Variants in EPB41L4A observed in about 807,000 individuals in gnomAD.
The protein encoded by EPB41L4A is band 4.1-like protein 4A.
A neutral mutation model predicts 108.6 loss-of-function variants in EPB41L4A; 100 were observed. The ratio of observed to expected loss-of-function variants is 0.92; its 90% CI spans 0.78 to 1.09. The LOEUF is 1.09. Among genes scored for constraint, EPB41L4A ranks in the 50% least tolerant of loss-of-function variants. The probability of loss-of-function intolerance (pLI) is 0.00; values close to 1 mark genes in which losing one functional copy is unlikely to be tolerated. For missense variants in EPB41L4A, 1,030 were observed against 842.7 expected (o/e 1.22, Z -2.75); for synonymous variants, 319 against 289.0 (o/e 1.10, Z -1.05).
intron 7 of EPB41L4A, 126 bp from the exon 8 acceptor site, chr5:112,260,105 T>A: frequency 1.4e-6 from 1 of 706,102 alleles, no homozygotes; most frequent in South Asian, 1.8e-5. Flanking sequence ...GACATCAGCC[T>A]AGAAAGCTAG....
At chr5:112,201,132 T>C (rs1035919960) in intron 15 of EPB41L4A, among the ~76,000 whole-genome samples, 27 of 152,222 alleles carry the variant, frequency 1.8e-4, no homozygotes, top group Non-Finnish European at 3.4e-4. Context: ...AGGGCATTCA[T>C]ACTGGGAAGA....
intron 1 of EPB41L4A, among the ~76,000 whole-genome samples, chr5:112,308,608 T>C (rs1004679424): frequency 1.6e-4 from 25 of 152,238 alleles, no homozygotes; most frequent in African/African-American, 6.0e-4. Flanking sequence ...TTAAATAATT[T>C]ATAAACAAAA....
intron 9 of EPB41L4A, among the ~76,000 whole-genome samples, chr5:112,244,927 G>A (rs963550021): frequency 2.0e-5 from 3 of 151,940 alleles, no homozygotes; most frequent in East Asian, 1.9e-4. Context: ...TCATTATAAC[G>A]TATGTAATAA....
chr5:112,226,238 AAAC>A (rs1384296955), intron 12 of EPB41L4A, among the ~76,000 whole-genome samples: 2 of 152,168 alleles, frequency 1.3e-5, no homozygotes, highest in Non-Finnish European at 2.9e-5. Flanking sequence ...CTGTGATGAC[AAAC>A]AACACAGGAG....
At chr5:112,188,929 C>A (rs1054835336) in intron 17 of EPB41L4A, among the ~76,000 whole-genome samples, 2 of 152,194 alleles carry the variant, frequency 1.3e-5, no homozygotes, top group African/African-American at 4.8e-5. Context: ...TTGCCCTAGT[C>A]AGATATATTG....
intron 12 of EPB41L4A, among the ~76,000 whole-genome samples, chr5:112,153,080 A>G (rs1249703516): frequency 6.6e-6 from 1 of 152,052 alleles, no homozygotes; most frequent in Non-Finnish European, 1.5e-5. Flanking sequence ...TTAGCCTGGC[A>G]TGGTGTTGTG....
At chr5:112,294,292 G>T (rs1193469921) in intron 2 of EPB41L4A, among the ~76,000 whole-genome samples, 3 of 152,186 alleles carry the variant, frequency 2.0e-5, no homozygotes, top group Non-Finnish European at 2.9e-5. Flanking sequence ...GCGTGGGAAG[G>T]GGAGGTGTGG....
At chr5:112,284,684 A>C (rs1472319573) in intron 2 of EPB41L4A, among the ~76,000 whole-genome samples, 1 of 152,160 alleles carries the variant, frequency 6.6e-6, no homozygotes, top group Non-Finnish European at 1.5e-5. Context: ...ACTGTATCCT[A>C]AACACTCCAT....
chr5:112,293,396 A>T (rs1374872101), intron 2 of EPB41L4A, among the ~76,000 whole-genome samples: 1 of 152,114 alleles, frequency 6.6e-6, no homozygotes, highest in Non-Finnish European at 1.5e-5. Context: ...GTTTTGGTGA[A>T]GAAGGCATTG....
At chr5:112,383,802 G>A (rs1760319390) in intron 1 of EPB41L4A, among the ~76,000 whole-genome samples, 2 of 151,796 alleles carry the variant, frequency 1.3e-5, no homozygotes, top group South Asian at 2.1e-4. Flanking sequence ...ACAAACAAAT[G>A]GTAAATGAAA....
chr5:112,294,650 A>G (rs1753877647), intron 2 of EPB41L4A, among the ~76,000 whole-genome samples: 1 of 152,128 alleles, frequency 6.6e-6, no homozygotes, highest in East Asian at 1.9e-4. Flanking sequence ...GGAAGAGAAC[A>G]AGAAGGGTGT....
Position 112,315,320 on chromosome 5 carries a change from T to A in EPB41L4A, c.100-7830A>T, listed in dbSNP as rs566190777. 6.4e-4 allele frequency among the ~76,000 whole-genome samples: 98 copies of A among 152,262 alleles called. 1 individual carries two copies. The highest frequency in any genetic ancestry group is 1.2e-3 in the Non-Finnish European group (85 of 68,048). Reference sequence around the variant, plus strand: ...TTCCTTCTGTTAACTTTCCTACTTATGTTTAGACATTTGGAAAGCATGTGC... The same window carrying A: ...TTCCTTCTGTTAACTTTCCTACTTAAGTTTAGACATTTGGAAAGCATGTGC... On this transcript the variant is annotated intron_variant, in intron 1 of 22. Transcript: ENST00000261486.
intron 17 of EPB41L4A, among the ~76,000 whole-genome samples, chr5:112,186,977 A>G (rs1358936545): frequency 1.3e-5 from 2 of 152,310 alleles, no homozygotes; most frequent in East Asian, 3.9e-4. Flanking sequence ...TGACTTTTTA[A>G]GTCTCATTTA....
intron 13 of EPB41L4A, among the ~76,000 whole-genome samples, chr5:112,208,424 C>T (rs533587984): frequency 2.6e-5 from 4 of 152,086 alleles, no homozygotes; most frequent in South Asian, 2.1e-4. Flanking sequence ...ATGTCCTTTG[C>T]GGCAACACGG....
In EPB41L4A at chr5:112,236,292, G is replaced by A. The variant is rs546459849; in HGVS notation, c.966-1537C>T. On this transcript the variant is annotated intron_variant, in intron 11 of 22. Coordinates refer to ENST00000261486, the MANE Select transcript of EPB41L4A (RefSeq NM_022140.5). ...TATACAGGACCCAGCACTAGAACAA[G>A]CTTTCTGACCTCCTGCTGGTCAGTA... Among the ~76,000 whole-genome samples the A allele has an allele frequency of 2.4e-4, 37 of 152,290 alleles. 1 individual carries two copies. The South Asian group carries it at 7.7e-3, about 32-fold the overall frequency.
At chr5:112,228,213 T>A (rs2150351415) in intron 12 of EPB41L4A, 1 of 152,356 alleles carries the variant, frequency 6.6e-6, no homozygotes, top group Admixed American at 6.5e-5. Context: ...AGTCTTCTTA[T>A]AATAAAATTA....
intron 12 of EPB41L4A, among the ~76,000 whole-genome samples, chr5:112,226,665 G>C (rs1335676815): frequency 6.6e-6 from 1 of 150,750 alleles, no homozygotes; most frequent in Non-Finnish European, 1.5e-5. Context: ...ATCTGAGGTG[G>C]GGAGGAGAGG....
At chr5:112,361,488 C>A (rs1234792507) in intron 1 of EPB41L4A, among the ~76,000 whole-genome samples, 5 of 150,170 alleles carry the variant, frequency 3.3e-5, no homozygotes, top group African/African-American at 1.2e-4. Context: ...AAATCCCCCT[C>A]TCCGAGAAAC....
intron 12 of EPB41L4A, among the ~76,000 whole-genome samples, chr5:112,212,552 C>T (rs556940343): frequency 1.3e-5 from 2 of 152,308 alleles, no homozygotes; most frequent in African/African-American, 2.4e-5. Flanking sequence ...ACCTTGGCCT[C>T]CCAAAGTGCT....
Sources: gnomAD v4.1 joint callset for allele counts (sites outside exome capture counted in the v4.1 genomes callset) on GRCh38, gnomAD v4.1.1 for gene constraint, MANE v1.5 for transcripts, NCBI Gene and HGNC (gene_info 2026-07-23, HGNC 2026-07-21) for gene names.